RPGR: variants seen among roughly 807,000 people sequenced by gnomAD.
The protein encoded by RPGR is retinitis pigmentosa GTPase regulator, also known as X-linked retinitis pigmentosa GTPase regulator.
In RPGR, 10 loss-of-function variants were observed where a neutral mutation model predicts 56.3. The ratio of observed to expected loss-of-function variants is 0.18; its 90% CI spans 0.11 to 0.30. The LOEUF (loss-of-function observed/expected upper bound fraction) is 0.30. RPGR is among the 10% of genes least tolerant of loss of function. The pLI is 1.00. For missense variants in RPGR, 538 were observed against 590.9 expected, an observed-to-expected ratio of 0.91 and a Z score of 0.93; for synonymous variants, 197 against 212.9, an observed-to-expected ratio of 0.93 and a Z score of 0.65.
At chrX:38,275,526 A>C (rs896155453) in intron 16 of RPGR, among the ~76,000 whole-genome samples, 3 of 112,236 alleles carry the variant, frequency 2.7e-5, no homozygotes, top group Admixed American at 9.5e-5. Flanking sequence ...CTATAAACAG[A>C]ATCATTTTCT....
chrX:38,299,578 C>T (rs1279647779), intron 9 of RPGR, among the ~76,000 whole-genome samples: 1 of 110,966 alleles, frequency 9.0e-6, no homozygotes, highest in Admixed American at 9.6e-5. Flanking sequence ...AATTATGTCT[C>T]TAAGCCTTCT....
At chrX:38,323,271 T>C in intron 2 of RPGR, 128 bp downstream of exon 2, 4 of 675,508 alleles carry the variant, frequency 5.9e-6, no homozygotes. Flanking sequence ...TGAAGAATTC[T>C]CCAGCAAAGT....
At chrX:38,277,336 G>A (rs963769716) in intron 15 of RPGR, among the ~76,000 whole-genome samples, 1 of 111,860 alleles carries the variant, frequency 8.9e-6, no homozygotes, top group African/African-American at 3.2e-5. Context: ...AACTTGTTCT[G>A]TCTGGCTACT....
rs878853374 is a variant in RPGR, at chrX:38,304,761, G to T, written c.808C>A (p.Gln270Lys). The T allele has an allele frequency of 8.3e-7, 1 of 1,210,364 alleles. No individual in the cohort carries two copies. ...GTGCCAAGACCCAGCTGACCAAATT[G>T]TCCCAGCCCAAAGGTATACACAGCA... The change falls in exon 8 of 19, where the codon CAA (glutamine) becomes AAA (lysine). Residue 270 changes from glutamine (Q) to lysine (K), a missense_variant. Coordinates refer to ENST00000642395, the MANE Select transcript of RPGR (RefSeq NM_000328.3).
chrX:38,297,933 G>C (rs1313409001), intron 10 of RPGR, among the ~76,000 whole-genome samples: 1 of 111,790 alleles, frequency 8.9e-6, no homozygotes, highest in Non-Finnish European at 1.9e-5. Flanking sequence ...AAAAAGGAAT[G>C]TTACCTTCAA....
intron 8 of RPGR, among the ~76,000 whole-genome samples, chrX:38,304,171 A>G (rs1262144213): frequency 1.8e-5 from 2 of 111,715 alleles, no homozygotes; most frequent in Non-Finnish European, 3.8e-5. Context: ...ACGTAGAAAG[A>G]GAAGGAAAGG....
In RPGR at chrX:38,327,469, G is replaced by GC; in HGVS notation, c.-103dup. 2 of 853,872 alleles carry GC rather than the reference G, an allele frequency of 2.3e-6. No individual in the cohort carries two copies. Among genetic ancestry groups the GC allele is most frequent in the Non-Finnish European group, 3.2e-6 (2 of 625,989 alleles). The allele number at this position is 853,872 out of a possible 1,213,427, so 70.4% of individuals were successfully genotyped here. A position where few individuals can be genotyped will look rare whatever the true frequency, so the allele number is the denominator to read the frequency against. Reference sequence around the variant, plus strand: ...CTCCGCACCGACGCGGGCCGCGAAAGCCCCCAAGTTCCGCATGGCGAAACT... The same window carrying GC: ...CTCCGCACCGACGCGGGCCGCGAAAGCCCCCCAAGTTCCGCATGGCGAAACT... On this transcript the variant is annotated 5_prime_UTR_variant, in exon 1 of 19. It removes the in-frame stop codon of an upstream open reading frame in the 5' UTR. Coordinates refer to ENST00000642395, the MANE Select transcript of RPGR (RefSeq NM_000328.3).
intron 6 of RPGR, among the ~76,000 whole-genome samples, chrX:38,315,469 A>G (rs912117910): frequency 5.3e-5 from 6 of 112,261 alleles, no homozygotes; most frequent in Non-Finnish European, 1.1e-4. Flanking sequence ...AGGCACAGAA[A>G]GACATACACT....
In RPGR at chrX:38,270,458, C is replaced by CA. The variant is rs771458538; in HGVS notation, c.2242-627dup. On this transcript the variant is annotated intron_variant, in intron 18 of 18. Transcript: ENST00000642395. The stretch of plus-strand genomic sequence containing the variant: ...TGAAACCCTGTCTCTACTACAAATA[C>CA]AAAAAAAAAAAAAAATTAGCCGGGC... Among the ~76,000 whole-genome samples, 55 of 76,526 alleles carry CA rather than the reference C, an allele frequency of 7.2e-4. 1 individual carries two copies. Among genetic ancestry groups the CA allele is most frequent in the Admixed American group, 1.1e-3 (7 of 6,422 alleles). 66.5% of individuals were successfully genotyped at this position (76,526 alleles called of 115,157 possible).
chrX:38,269,926 C>T, intron 18 of RPGR: 1 of 624,315 alleles, frequency 1.6e-6, no homozygotes, highest in Non-Finnish European at 2.6e-6. Flanking sequence ...CACGTAAGAA[C>T]ATGATTTTGT....
rs1322209899 is a variant in RPGR at position 38,291,451 on chromosome X, T to G, written c.1448A>C (p.Glu483Ala). Residue 483 changes from glutamate (E) to alanine (A), a missense_variant, in exon 12 of 19, where the codon GAG becomes GCG. By Grantham distance (107) the Glu-to-Ala change is moderately radical. This residue lies in a region of RPGR where 357 missense variants were observed against 325.8 expected (regional missense o/e 1.10). Transcript: ENST00000642395. ...TTCTACAGTTGAAGAATTATCTATC[T>G]CTGCTTCTTTGGTCATTTCATCTAG... 3 of 1,161,304 alleles carry G rather than the reference T, an allele frequency of 2.6e-6. No individual in the cohort carries two copies. In the African/African-American group the frequency reaches 5.3e-5, roughly 21 times the overall value.
chrX:38,291,129 T>TTTA, intron 12 of RPGR, 105 bp from the exon 13 acceptor site: 3 of 158,734 alleles, frequency 1.9e-5, no homozygotes, highest in Non-Finnish European at 3.5e-5. Flanking sequence ...ATATATTTTT[T>TTTA]TATATATATA....
rs2067276522 is a variant in RPGR at position 38,291,379 on chromosome X, T to C, written c.1506+14A>G. 2 of 1,007,090 alleles carry C rather than the reference T, an allele frequency of 2.0e-6. No individual in the cohort carries two copies. Among genetic ancestry groups the C allele is most frequent in the Admixed American group, 2.2e-5 (1 of 45,246 alleles). 83.0% of individuals were successfully genotyped at this position (1,007,090 alleles called of 1,213,427 possible). A position where few individuals can be genotyped will look rare whatever the true frequency, so the allele number is the denominator to read the frequency against. ...TCAAACTCATATTTAGATAAATAGA[T>C]AGGAAATCATTACCATGTTTAAGAT... On this transcript the variant is annotated intron_variant, in intron 12 of 18. Coordinates refer to ENST00000642395, the MANE Select transcript of RPGR (RefSeq NM_000328.3).
rs2067561102 is a variant in RPGR at position 38,304,626 on chromosome X, A to C, written c.934+9T>G. 1 of 1,162,737 alleles carries C rather than the reference A, an allele frequency of 8.6e-7. No homozygotes were observed. Among genetic ancestry groups the C allele is most frequent in the Non-Finnish European group, 1.2e-6 (1 of 853,018 alleles). ...TCTATAAATATATAACAGAAATTCTAATCCATACCTGTTATCAAAGCTGTG... is the reference window on the plus strand; with the variant it reads ...TCTATAAATATATAACAGAAATTCTCATCCATACCTGTTATCAAAGCTGTG... On this transcript the variant is annotated intron_variant, in intron 8 of 18. Transcript: ENST00000642395.
intron 18 of RPGR, among the ~76,000 whole-genome samples, chrX:38,270,519 A>T (rs1364986953): frequency 9.6e-6 from 1 of 104,483 alleles, no homozygotes; most frequent in African/African-American, 3.5e-5. Context: ...GCTACTTGGG[A>T]GGCTGAGGCA....
chrX:38,284,624 G>A (rs1260953430), intron 15 of RPGR: 1 of 731,540 alleles, frequency 1.4e-6, no homozygotes, highest in Non-Finnish European at 1.6e-6. Flanking sequence ...CAAGAGTAAA[G>A]AAAACAACTG....
chrX:38,313,985 C>A (rs2067769534), intron 6 of RPGR, among the ~76,000 whole-genome samples: 1 of 111,467 alleles, frequency 9.0e-6, no homozygotes, highest in East Asian at 2.8e-4. Context: ...CTTTTGGCTT[C>A]CCTGGGCCAC....
In RPGR at chrX:38,269,316, G is replaced by A. The variant is rs2066786604; in HGVS notation, c.*310C>T. The A allele has an allele frequency of 6.7e-6, 1 of 149,731 alleles. No homozygotes were observed. Among genetic ancestry groups the A allele is most frequent in the Non-Finnish European group, 1.3e-5 (1 of 78,355 alleles). 12.3% of individuals were successfully genotyped at this position (149,731 alleles called of 1,213,427 possible). On this transcript the variant is annotated 3_prime_UTR_variant, in exon 19 of 19. Coordinates refer to ENST00000642395, the MANE Select transcript of RPGR (RefSeq NM_000328.3). ...TATAAAATTATAAAGAAGTAAAATT[G>A]TTTAGTAAAAACTAGGAAATATCTT...
At chrX:38,282,777 T>G (rs868579585) in intron 15 of RPGR, among the ~76,000 whole-genome samples, 1 of 105,787 alleles carries the variant, frequency 9.5e-6, no homozygotes, top group South Asian at 4.3e-4. Context: ...CTGCTGCTGT[T>G]CAGCAGCAGC....
Sources: allele counts gnomAD v4.1 joint callset (sites outside exome capture counted in the v4.1 genomes callset), GRCh38; gene constraint gnomAD v4.1.1; regional missense constraint gnomAD v4.1.1; transcripts MANE v1.5; gene names NCBI Gene and HGNC (gene_info 2026-07-23, HGNC 2026-07-21).